The following SMOC2 variants were observed in gnomAD, a reference collection of about 807,000 sequenced individuals.
The protein encoded by SMOC2 is SPARC-related modular calcium-binding protein 2.
A neutral mutation model predicts 61.4 loss-of-function variants in SMOC2; 39 were observed. That is an observed-to-expected ratio of 0.64 (90% CI 0.49 to 0.83). The LOEUF (loss-of-function observed/expected upper bound fraction) is 0.83. Among genes scored for constraint, SMOC2 ranks in the 40% least tolerant of loss-of-function variants. The pLI, the probability that SMOC2 is intolerant of heterozygous loss-of-function variation, is 0.00. For synonymous variants in SMOC2, 247 were observed against 239.9 expected, an observed-to-expected ratio of 1.03 and a Z score of -0.27; for missense variants, 556 against 592.9, an observed-to-expected ratio of 0.94 and a Z score of 0.65.
At chr6:168,443,235 C>G (rs955711879) in intron 1 of SMOC2, among the ~76,000 whole-genome samples, 23 of 152,196 alleles carry the variant, frequency 1.5e-4, no homozygotes, top group Admixed American at 8.5e-4. Flanking sequence ...CCTGTTGGTC[C>G]CCCCTGGAAG....
chr6:168,604,244 T>G (rs1785630344), intron 8 of SMOC2, among the ~76,000 whole-genome samples: 1 of 152,166 alleles, frequency 6.6e-6, no homozygotes, highest in South Asian at 2.1e-4. Flanking sequence ...GAGCCAAAAA[T>G]CCCTTCCCTA....
In SMOC2 at chr6:168,666,444, T is replaced by C. The variant is rs1412558842; in HGVS notation, c.*6T>C. 1 of 1,613,774 alleles carries C rather than the reference T, an allele frequency of 6.2e-7. No individual in the cohort carries two copies. Among genetic ancestry groups the C allele is most frequent in the Non-Finnish European group, 8.5e-7 (1 of 1,180,018 alleles). On this transcript the variant is annotated 3_prime_UTR_variant, in exon 13 of 13. Transcript: ENST00000356284. Reference sequence around the variant, plus strand: ...AGCCAAGGAAACAAGGATAAATGGCTCATACCCCGAAGGCAGTTCCTAGAC... The same window carrying C: ...AGCCAAGGAAACAAGGATAAATGGCCCATACCCCGAAGGCAGTTCCTAGAC...
In SMOC2 at chr6:168,560,505, T is replaced by TCATTTTCCTGCCCTGAGACAC. The variant is rs1562348154; in HGVS notation, c.637+11302_637+11303insCATTTTCCTGCCCTGAGACAC. Among the ~76,000 whole-genome samples the TCATTTTCCTGCCCTGAGACAC allele has an allele frequency of 5.8e-4, 72 of 124,698 alleles. 11 individuals carry two copies. The highest frequency in any genetic ancestry group is 1.2e-3 in the Admixed American group (16 of 13,138). The allele number at this position is 124,698 out of a possible 152,430, so 81.8% of individuals were successfully genotyped here. ...TGCCCACCTTTCTGGCCCTGAGATG[T>TCATTTTCCTGCCCTGAGACAC]GAGGCTCTCACTGCGTTCTTGGAGG... On this transcript the variant is annotated intron_variant, in intron 7 of 12. Transcript: ENST00000356284.
intron 7 of SMOC2, among the ~76,000 whole-genome samples, chr6:168,565,518 C>T (rs1346906691): frequency 6.6e-6 from 1 of 152,178 alleles, no homozygotes; most frequent in Non-Finnish European, 1.5e-5. Flanking sequence ...TTATGATGAC[C>T]TCATTTATCC....
chr6:168,465,075 C>T (rs1417712935), intron 1 of SMOC2, among the ~76,000 whole-genome samples: 1 of 152,234 alleles, frequency 6.6e-6, no homozygotes, highest in African/African-American at 2.4e-5. Flanking sequence ...CCAGAGTTGG[C>T]CCCTGCCCCA....
intron 9 of SMOC2, among the ~76,000 whole-genome samples, chr6:168,632,786 G>C (rs981825607): frequency 6.6e-6 from 1 of 152,182 alleles, no homozygotes; most frequent in African/African-American, 2.4e-5. Context: ...GAATTCTGTG[G>C]CTCGTCCTCA....
At chr6:168,515,916 G>A (rs1370842710) in intron 2 of SMOC2, among the ~76,000 whole-genome samples, 1 of 152,240 alleles carries the variant, frequency 6.6e-6, no homozygotes. Flanking sequence ...GGGAGCACAG[G>A]ATTGTCCCTT....
chr6:168,542,909 A>G (rs535460864), intron 4 of SMOC2, among the ~76,000 whole-genome samples: 4 of 152,334 alleles, frequency 2.6e-5, no homozygotes, highest in African/African-American at 9.6e-5. Context: ...TCCCCTGAGG[A>G]GTTTTACTGG....
At chr6:168,506,428 G>A (rs908065268) in intron 1 of SMOC2, among the ~76,000 whole-genome samples, 1 of 152,202 alleles carries the variant, frequency 6.6e-6, no homozygotes, top group African/African-American at 2.4e-5. Flanking sequence ...AGTCAGAGAC[G>A]TATTTAATCA....
intron 1 of SMOC2, among the ~76,000 whole-genome samples, chr6:168,489,866 G>T (rs1782430083): frequency 6.9e-6 from 1 of 143,924 alleles, no homozygotes; most frequent in Non-Finnish European, 1.5e-5. Context: ...GGTCCTCTTG[G>T]ATCACAGTTT....
At chr6:168,651,151 GACA>G (rs1787182365) in intron 10 of SMOC2, among the ~76,000 whole-genome samples, 1 of 152,206 alleles carries the variant, frequency 6.6e-6, no homozygotes, top group South Asian at 2.1e-4. Context: ...TACTTTGAAT[GACA>G]ACGTTTAATC....
intron 1 of SMOC2, among the ~76,000 whole-genome samples, chr6:168,470,114 C>T (rs916639142): frequency 2.0e-5 from 3 of 152,142 alleles, no homozygotes; most frequent in African/African-American, 4.8e-5. Context: ...TCTCTTGAGC[C>T]CCTGCTCCAG....
chr6:168,543,301 A>AC (rs1783914599), intron 4 of SMOC2, among the ~76,000 whole-genome samples: 1 of 152,348 alleles, frequency 6.6e-6, no homozygotes, highest in East Asian at 1.9e-4. Flanking sequence ...TCACTTCAGT[A>AC]CCCCAACATG....
chr6:168,643,585 G>A (rs1190873339), intron 9 of SMOC2, among the ~76,000 whole-genome samples: 2 of 152,188 alleles, frequency 1.3e-5, no homozygotes, highest in Non-Finnish European at 2.9e-5. Flanking sequence ...TGCCCACCCT[G>A]CCAGGACAGG....
chr6:168,630,988 C>T (rs917607278), intron 9 of SMOC2, among the ~76,000 whole-genome samples: 8 of 152,180 alleles, frequency 5.3e-5, no homozygotes, highest in African/African-American at 1.7e-4. Context: ...AATTTCACCC[C>T]GGGCCTGTGG....
rs73789164 is a variant in SMOC2 at position 168,653,322 on chromosome 6, T to C, written c.1285+94T>C. Reference sequence around the variant, plus strand: ...CAAACACAATTACAGATTGTGTTTATGGCCTGGGAGTGCAAAAAATCAAAT... The same window carrying C: ...CAAACACAATTACAGATTGTGTTTACGGCCTGGGAGTGCAAAAAATCAAAT... On this transcript the variant is annotated intron_variant, in intron 11 of 12. Coordinates refer to ENST00000356284, the MANE Select transcript of SMOC2 (RefSeq NM_001166412.2). 1.2e-3 allele frequency: 1,700 copies of C among 1,472,300 alleles called. 16 individuals are homozygous for C. The African/African-American group carries it at 0.02, about 18-fold the overall frequency. The allele number at this position is 1,472,300 out of a possible 1,614,324, so 91.2% of individuals were successfully genotyped here.
chr6:168,585,419 T>G (rs1785025246), intron 7 of SMOC2, among the ~76,000 whole-genome samples: 1 of 152,268 alleles, frequency 6.6e-6, no homozygotes, highest in Non-Finnish European at 1.5e-5. Flanking sequence ...GATTGTAGAC[T>G]GTATGCAGAT....
chr6:168,610,990 T>G (rs964512072), intron 9 of SMOC2, among the ~76,000 whole-genome samples: 5 of 152,196 alleles, frequency 3.3e-5, no homozygotes, highest in Non-Finnish European at 5.9e-5. Context: ...AACCACACCT[T>G]CTTCTTGGAC....
intron 1 of SMOC2, among the ~76,000 whole-genome samples, chr6:168,448,371 G>A (rs1781379369): frequency 6.6e-6 from 1 of 151,850 alleles, no homozygotes; most frequent in Non-Finnish European, 1.5e-5. Context: ...GAGATGGGGA[G>A]GAGGATGGCA....
Sources: allele counts gnomAD v4.1 joint callset (sites outside exome capture counted in the v4.1 genomes callset), GRCh38; gene constraint gnomAD v4.1.1; transcripts MANE v1.5; gene names NCBI Gene and HGNC (gene_info 2026-07-23, HGNC 2026-07-21).